Variants in RASSF6 observed in about 807,000 individuals in gnomAD.
The protein encoded by RASSF6 is ras association domain-containing protein 6.
In RASSF6, 52 loss-of-function variants were observed where a neutral mutation model predicts 44.0. That is an observed-to-expected ratio of 1.18 (90% CI 0.95 to 1.49). RASSF6 has a LOEUF of 1.49. Ranked by LOEUF, RASSF6 falls within the 40% of genes most tolerant of loss-of-function variation. The pLI, the probability that RASSF6 is intolerant of heterozygous loss-of-function variation, is 0.00. For missense variants in RASSF6, 464 were observed against 393.3 expected (o/e 1.18, Z -1.52); for synonymous variants, 162 against 124.6 (o/e 1.30, Z -2.00).
chr4:73,616,935 A>G (rs1317551112), intron 1 of RASSF6, among the ~76,000 whole-genome samples: 2 of 152,224 alleles, frequency 1.3e-5, no homozygotes, highest in Non-Finnish European at 2.9e-5. Context: ...AGAAAATGAG[A>G]CAAAGCATCT....
intron 4 of RASSF6, among the ~76,000 whole-genome samples, 182 bp from the exon 5 acceptor site, chr4:73,588,116 TG>T (rs1457776876): frequency 6.6e-6 from 1 of 152,088 alleles, no homozygotes; most frequent in African/African-American, 2.4e-5. Flanking sequence ...GGTCAATATA[TG>T]TTTTAAATGC....
intron 2 of RASSF6, among the ~76,000 whole-genome samples, chr4:73,599,346 T>G (rs953811469): frequency 2.6e-5 from 4 of 152,224 alleles, no homozygotes; most frequent in African/African-American, 4.8e-5. Flanking sequence ...TCTCCTGGCC[T>G]GCCCCACACA....
At chr4:73,581,200 G>A (rs1013968367) in intron 8 of RASSF6, among the ~76,000 whole-genome samples, 1 of 151,972 alleles carries the variant, frequency 6.6e-6, no homozygotes, top group African/African-American at 2.4e-5. Context: ...TCTACAAATT[G>A]ATATATAAAA....
intron 7 of RASSF6, 143 bp downstream of exon 7, chr4:73,582,046 T>C (rs1251138641): frequency 1.5e-6 from 1 of 654,086 alleles, no homozygotes; most frequent in African/African-American, 1.8e-5. Context: ...TAAAAGGTGT[T>C]ATACAAAGGA....
chr4:73,576,177 A>G lies in RASSF6; in HGVS notation c.*58T>C, dbSNP rs1454444323. On this transcript the variant is annotated 3_prime_UTR_variant, in exon 11 of 11. Coordinates refer to ENST00000307439, the MANE Select transcript of RASSF6 (RefSeq NM_177532.5). ...ATGCAAGTACAGAACTTATGCATTC[A>G]TCAAAGAGTAATATCTCTGAGTTTT... 17 of 929,614 alleles carry G rather than the reference A, an allele frequency of 1.8e-5. No homozygotes were observed. The East Asian group carries it at 4.1e-4, about 23-fold the overall frequency. The allele number at this position is 929,614 out of a possible 1,614,324, so 57.6% of individuals were successfully genotyped here.
chr4:73,572,674 T>C lies in RASSF6; in HGVS notation c.*3561A>G, dbSNP rs1295986282. On this transcript the variant is annotated 3_prime_UTR_variant, in exon 11 of 11. Coordinates refer to ENST00000307439, the MANE Select transcript of RASSF6 (RefSeq NM_177532.5). ...CCACAGAAGTGATGTTAATGTCTCA[T>C]TTGAATAATTGATTTGAAATTTTTT... 6.6e-6 allele frequency: 1 copy of C among 152,206 alleles called. No individual in the cohort carries two copies. The highest frequency in any genetic ancestry group is 1.5e-5 in the Non-Finnish European group (1 of 68,014). The allele number at this position is 152,206 out of a possible 1,614,324, so 9.4% of individuals were successfully genotyped here.
intron 5 of RASSF6, among the ~76,000 whole-genome samples, chr4:73,586,168 C>T (rs148551715): frequency 4.0e-5 from 6 of 151,784 alleles, no homozygotes; most frequent in Admixed American, 2.0e-4. Context: ...ATGCTTTGGA[C>T]TAGTCCTACT....
At chr4:73,591,123 A>C (rs1373552814) in intron 4 of RASSF6, among the ~76,000 whole-genome samples, 1 of 152,346 alleles carries the variant, frequency 6.6e-6, no homozygotes, top group Non-Finnish European at 1.5e-5. Flanking sequence ...AGAGTTAAAT[A>C]AGAGAATTTT....
At chr4:73,587,706 A>T (rs1724206950) in intron 5 of RASSF6, 134 bp downstream of exon 5, 1 of 425,150 alleles carries the variant, frequency 2.4e-6, no homozygotes, top group Non-Finnish European at 4.2e-6. Context: ...GATATTTAAA[A>T]ATATATATAC....
intron 1 of RASSF6, among the ~76,000 whole-genome samples, chr4:73,615,639 T>C (rs1416661489): frequency 6.6e-6 from 1 of 152,258 alleles, no homozygotes. Context: ...TTTGGTTATT[T>C]ACTTTTTCAT....
chr4:73,611,538 A>G (rs901188317), intron 2 of RASSF6, among the ~76,000 whole-genome samples, 193 bp downstream of exon 2: 6 of 152,088 alleles, frequency 3.9e-5, no homozygotes, highest in East Asian at 1.9e-4. Context: ...TAAACAAAAT[A>G]TTAGTGATTG....
intron 8 of RASSF6, among the ~76,000 whole-genome samples, chr4:73,580,692 T>A (rs866033750): frequency 6.0e-5 from 9 of 148,848 alleles, no homozygotes; most frequent in African/African-American, 2.2e-4. Context: ...TGTCTATTCA[T>A]GTCCTTTGCC....
chr4:73,588,062 A>C, intron 4 of RASSF6, 128 bp from the exon 5 acceptor site: 1 of 524,916 alleles, frequency 1.9e-6, no homozygotes, highest in Admixed American at 3.2e-5. Flanking sequence ...GTCCAAAGTT[A>C]TAACAATTTT....
chr4:73,583,347 T>C (rs1476960972), intron 6 of RASSF6, among the ~76,000 whole-genome samples: 1 of 152,168 alleles, frequency 6.6e-6, no homozygotes, highest in Non-Finnish European at 1.5e-5. Context: ...CTATAGTCTT[T>C]ATATCAGTTG....
At chr4:73,578,289 G>A (rs890796579) in intron 8 of RASSF6, among the ~76,000 whole-genome samples, 5 of 152,200 alleles carry the variant, frequency 3.3e-5, no homozygotes, top group Non-Finnish European at 7.3e-5. Flanking sequence ...AGGAAAGAAC[G>A]AGGTGCATGT....
At chr4:73,596,474 G>A (rs1724951712) in intron 3 of RASSF6, among the ~76,000 whole-genome samples, 1 of 152,162 alleles carries the variant, frequency 6.6e-6, no homozygotes, top group South Asian at 2.1e-4. Flanking sequence ...AGAAATCAGA[G>A]ATGACACAAA....
At position 73,577,587 on chromosome 4, in the gene RASSF6, C is replaced by T. The variant is rs549565730; in HGVS notation, c.722-856G>A. Among the ~76,000 whole-genome samples, 3 of 152,134 alleles carry T rather than the reference C, an allele frequency of 2.0e-5. No homozygotes were observed. In the South Asian group the frequency reaches 6.2e-4, roughly 32 times the overall value. Reference sequence around the variant, plus strand: ...AGAGTCTAGAACTCAAAAGCCCAGCCTCCCCACAATTAAAGTGATATTACC... The same window carrying T: ...AGAGTCTAGAACTCAAAAGCCCAGCTTCCCCACAATTAAAGTGATATTACC... On this transcript the variant is annotated intron_variant, in intron 8 of 10. Coordinates refer to ENST00000307439, the MANE Select transcript of RASSF6 (RefSeq NM_177532.5).
chr4:73,576,311 C>T lies in RASSF6; in HGVS notation c.939-1G>A, dbSNP rs766290074. ...TATAATCGCCTTTTCTTTATTGAAT[C>T]TGAAAATGAGAAGAAGAAAGACTAT... is the stretch of plus-strand genomic sequence containing the variant. On this transcript the variant is annotated splice_acceptor_variant, in intron 10 of 10. Transcript: ENST00000307439. LOFTEE classifies it high-confidence loss of function. 11 of 1,534,916 alleles carry T rather than the reference C, an allele frequency of 7.2e-6. No individual in the cohort carries two copies. The South Asian group carries it at 1.0e-4, about 15-fold the overall frequency.
intron 6 of RASSF6, 124 bp downstream of exon 6, chr4:73,585,056 C>T (rs1380903809): frequency 8.1e-6 from 5 of 613,824 alleles, no homozygotes; most frequent in Non-Finnish European, 1.4e-5. Flanking sequence ...GAGAGTGCCC[C>T]CAAGATGTTA....
Sources: allele counts gnomAD v4.1 joint callset (sites outside exome capture counted in the v4.1 genomes callset), GRCh38; gene constraint gnomAD v4.1.1; transcripts MANE v1.5; gene names NCBI Gene and HGNC (gene_info 2026-07-23, HGNC 2026-07-21).